Variants in ITCH observed in about 807,000 individuals in gnomAD.
ITCH encodes the protein itchy E3 ubiquitin protein ligase, also known as E3 ubiquitin-protein ligase Itchy homolog.
ITCH carries 28 observed loss-of-function variants against 126.8 expected under a neutral mutation model. That is an observed-to-expected ratio of 0.22 (90% confidence interval 0.16 to 0.30). ITCH has a LOEUF of 0.30. ITCH is among the 10% of genes least tolerant of loss of function. The pLI is 1.00. For synonymous variants in ITCH, 342 were observed against 340.0 expected (o/e 1.01, Z -0.06); for missense variants, 631 against 1,032.4 (o/e 0.61, Z 5.33).
At position 34,475,680 on chromosome 20, in the gene ITCH, G is replaced by C. The variant is rs1039723361; in HGVS notation, c.1570-2092G>C. Among the ~76,000 whole-genome samples, 7 of 151,330 alleles carry C rather than the reference G, an allele frequency of 4.6e-5. No individual in the cohort carries two copies. In the South Asian group the frequency reaches 1.5e-3, roughly 32 times the overall value. On this transcript the variant is annotated intron_variant, in intron 16 of 24. Transcript: ENST00000374864. ...GAGAGCGAGACCGTGGGGAGAGGGAGACGGGAGAGGCAGAGGCAGGGGCAG... is the reference window on the plus strand; with the variant it reads ...GAGAGCGAGACCGTGGGGAGAGGGACACGGGAGAGGCAGAGGCAGGGGCAG...
intron 2 of ITCH, 97 bp from the exon 3 acceptor site, chr20:34,393,694 A>T: frequency 1.2e-6 from 1 of 809,844 alleles, no homozygotes; most frequent in Non-Finnish European, 2.2e-6. Context: ...GGCCTTTGTT[A>T]CATGGTCTTC....
chr20:34,388,112 T>C (rs1303908474), intron 2 of ITCH, among the ~76,000 whole-genome samples: 1 of 151,994 alleles, frequency 6.6e-6, no homozygotes, highest in African/African-American at 2.4e-5. Flanking sequence ...TTTTTTTTTT[T>C]TTTGAGACAC....
chr20:34,477,646 C>T, intron 16 of ITCH, 126 bp from the exon 17 acceptor site: 1 of 776,744 alleles, frequency 1.3e-6, no homozygotes, highest in East Asian at 2.6e-5. Context: ...TTGACTAGAC[C>T]ATGAACACCT....
chr20:34,504,063 T>C (rs558004964), intron 23 of ITCH, among the ~76,000 whole-genome samples: 1 of 152,172 alleles, frequency 6.6e-6, no homozygotes, highest in East Asian at 1.9e-4. Flanking sequence ...GTATTTTTAG[T>C]AGAGATCAAG....
At chr20:34,469,851 T>C (rs142684157) in intron 14 of ITCH, among the ~76,000 whole-genome samples, 197 bp from the exon 15 acceptor site, 296 of 152,308 alleles carry the variant, frequency 1.9e-3, no homozygotes, top group Non-Finnish European at 3.5e-3. Context: ...TCAAAGTTTT[T>C]TGTTTGTTTT....
chr20:34,434,160 C>G (rs909250709), intron 7 of ITCH, among the ~76,000 whole-genome samples: 53 of 151,846 alleles, frequency 3.5e-4, no homozygotes, highest in African/African-American at 1.1e-3. Context: ...GCCTGTATTC[C>G]CAGCTACTCA....
intron 11 of ITCH, among the ~76,000 whole-genome samples, chr20:34,447,450 C>A (rs1984602653): frequency 6.6e-6 from 1 of 152,008 alleles, no homozygotes; most frequent in African/African-American, 2.4e-5. Context: ...TGGCCTTTGT[C>A]CACCATTGTT....
intron 6 of ITCH, among the ~76,000 whole-genome samples, chr20:34,418,939 T>G (rs1388090666): frequency 6.6e-6 from 1 of 152,054 alleles, no homozygotes; most frequent in African/African-American, 2.4e-5. Context: ...TTTTGTATTT[T>G]TAGTACAGGT....
At chr20:34,478,757 A>G (rs949325582) in intron 17 of ITCH, among the ~76,000 whole-genome samples, 9 of 152,218 alleles carry the variant, frequency 5.9e-5, no homozygotes, top group Non-Finnish European at 1.5e-5. Flanking sequence ...GAGTTTAAAT[A>G]AAATTATTTC....
Position 34,510,389 on chromosome 20 carries a change from G to T in ITCH, c.*2595G>T, listed in dbSNP as rs1167234101. On this transcript the variant is annotated 3_prime_UTR_variant, in exon 25 of 25. Transcript: ENST00000374864. ...CTTTTTCTTAAATCTGAACTAACTT[G>T]CTTTTAGAAGTCTTTTTCTTTGTAA... is the stretch of plus-strand genomic sequence containing the variant. 1 of 141,518 alleles carries T rather than the reference G, an allele frequency of 7.1e-6. No individual in the cohort carries two copies. Among genetic ancestry groups the T allele is most frequent in the Non-Finnish European group, 1.5e-5 (1 of 65,814 alleles). 8.8% of individuals were successfully genotyped at this position (141,518 alleles called of 1,614,324 possible). A position where few individuals can be genotyped will look rare whatever the true frequency, so the allele number is the denominator to read the frequency against.
chr20:34,406,603 C>T (rs1263362828), intron 3 of ITCH, among the ~76,000 whole-genome samples: 7 of 150,932 alleles, frequency 4.6e-5, no homozygotes, highest in Admixed American at 1.3e-4. Flanking sequence ...GGCGCAATCG[C>T]GGCTCACTGC....
At chr20:34,503,500 A>G (rs917042784) in intron 23 of ITCH, among the ~76,000 whole-genome samples, 14 of 152,336 alleles carry the variant, frequency 9.2e-5, no homozygotes, top group African/African-American at 3.1e-4. Context: ...CAGGACCTGT[A>G]AGTTCCAGCA....
rs1555881622 is a variant in ITCH, at chr20:34,472,395, A to AG, written c.1569+880_1569+881insG. On this transcript the variant is annotated intron_variant, in intron 16 of 24. Coordinates refer to ENST00000374864, the MANE Select transcript of ITCH (RefSeq NM_031483.7). ...TTTAAAAAAAAAAAAAAAAAAAAAA[A>AG]AACTTGAGTTAGTCTACTATTCGCC... 1.6e-3 allele frequency among the ~76,000 whole-genome samples: 233 copies of AG among 145,844 alleles called. 5 individuals carry two copies. Among genetic ancestry groups the AG allele is most frequent in the Non-Finnish European group, 1.9e-3 (124 of 66,644 alleles).
intron 20 of ITCH, among the ~76,000 whole-genome samples, chr20:34,482,296 A>G (rs1442506881): frequency 6.6e-6 from 1 of 152,212 alleles, no homozygotes; most frequent in African/African-American, 2.4e-5. Flanking sequence ...AACTTATTTC[A>G]GCATTAACTC....
Position 34,471,490 on chromosome 20 carries a change from C to T in ITCH, c.1544C>T (p.Thr515Ile). The change falls in exon 16 of 25, where the codon ACA (threonine) becomes ATA (isoleucine). Residue 515 changes from threonine to isoleucine, a missense_variant. Around this residue, in one of 4 missense-constraint regions of ITCH, gnomAD observed 390 missense variants for 731.6 expected, o/e 0.53. Coordinates refer to ENST00000374864, the MANE Select transcript of ITCH (RefSeq NM_031483.7). ...ATAAAGATTACAGTGACAAGAAAAA[C>T]ATTGTTTGAGGATTCCTTTCAACAG... is the stretch of plus-strand genomic sequence containing the variant. Reference protein sequence around the residue: ...QHIKITVTRKTLFEDSFQQIM... With the variant: ...QHIKITVTRKILFEDSFQQIM... 1 of 1,607,350 alleles carries T rather than the reference C, an allele frequency of 6.2e-7. No individual in the cohort carries two copies.
intron 7 of ITCH, among the ~76,000 whole-genome samples, chr20:34,425,261 A>G (rs964832933): frequency 6.6e-6 from 1 of 152,200 alleles, no homozygotes; most frequent in East Asian, 1.9e-4. Flanking sequence ...GCCATTCTCC[A>G]TTCTCGATTA....
At chr20:34,378,458 C>T (rs35235127) in intron 2 of ITCH, among the ~76,000 whole-genome samples, 4 of 103,526 alleles carry the variant, frequency 3.9e-5, no homozygotes, top group African/African-American at 1.6e-4. Context: ...GGGCGATGAG[C>T]GAAACTCTGT....
At position 34,445,479 on chromosome 20, in the gene ITCH, T is replaced by C; in HGVS notation, c.1140+18T>C. 6.2e-7 allele frequency: 1 copy of C among 1,609,282 alleles called. No individual in the cohort carries two copies. Among genetic ancestry groups the C allele is most frequent in the South Asian group, 1.1e-5 (1 of 90,984 alleles). ...TTTATGGGGTGAGCAGCCTGTTGTTTAATAAACTAATAAGAGTATTTTGTT... is the reference window on the plus strand; with the variant it reads ...TTTATGGGGTGAGCAGCCTGTTGTTCAATAAACTAATAAGAGTATTTTGTT... On this transcript the variant is annotated intron_variant, in intron 11 of 24. Transcript: ENST00000374864.
intron 3 of ITCH, among the ~76,000 whole-genome samples, chr20:34,406,016 C>T (rs939294328): frequency 2.2e-4 from 34 of 151,392 alleles, no homozygotes; most frequent in African/African-American, 7.6e-4. Context: ...CATCTGGCAT[C>T]TGAAACAATT....
Sources: allele counts gnomAD v4.1 joint callset (sites outside exome capture counted in the v4.1 genomes callset), GRCh38; gene constraint gnomAD v4.1.1; regional missense constraint gnomAD v4.1.1; transcripts MANE v1.5; gene names NCBI Gene and HGNC (gene_info 2026-07-23, HGNC 2026-07-21).